SFXN4: variants seen among roughly 807,000 people sequenced by gnomAD.
SFXN4 encodes sideroflexin 4, also known as sideroflexin-4.
In SFXN4, 48 loss-of-function variants were observed where a neutral mutation model predicts 54.6. The observed-to-expected ratio is 0.88, with a 90% confidence interval of 0.70 to 1.12. SFXN4 has a LOEUF of 1.12. Among genes scored for constraint, SFXN4 ranks in the 50% most tolerant of loss-of-function variants. The probability of loss-of-function intolerance (pLI) is 0.00; values close to 1 mark genes in which losing one functional copy is unlikely to be tolerated. For missense variants in SFXN4, 383 were observed against 409.2 expected, an observed-to-expected ratio of 0.94 and a Z score of 0.55; for synonymous variants, 130 against 145.5, an observed-to-expected ratio of 0.89 and a Z score of 0.77.
intron 11 of SFXN4, among the ~76,000 whole-genome samples, chr10:119,151,592 T>C (rs531257932): frequency 3.3e-5 from 5 of 151,792 alleles, no homozygotes; most frequent in East Asian, 3.9e-4. Context: ...CTCAGCTCAC[T>C]GCAACCTCTG....
chr10:119,152,569 C>T (rs1001239714), intron 11 of SFXN4, among the ~76,000 whole-genome samples: 1 of 152,144 alleles, frequency 6.6e-6, no homozygotes, highest in Non-Finnish European at 1.5e-5. Context: ...TCATTTCAAA[C>T]TAGTGACCTA....
chr10:119,143,409 C>T (rs1271154191), intron 13 of SFXN4, among the ~76,000 whole-genome samples: 3 of 152,006 alleles, frequency 2.0e-5, no homozygotes, highest in African/African-American at 7.2e-5. Flanking sequence ...TCTGTGACCC[C>T]ATTGTAGCCT....
At chr10:119,142,124 C>T (rs2133559785) in intron 13 of SFXN4, among the ~76,000 whole-genome samples, 1 of 152,224 alleles carries the variant, frequency 6.6e-6, no homozygotes, top group East Asian at 1.9e-4. Context: ...TCACTTGAGC[C>T]TGGGAGTCAA....
At chr10:119,148,412 G>A (rs777507301) in intron 11 of SFXN4, among the ~76,000 whole-genome samples, 6 of 152,100 alleles carry the variant, frequency 3.9e-5, no homozygotes, top group Non-Finnish European at 8.8e-5. Flanking sequence ...CTAAGTACAA[G>A]CAAAGGTGGC....
Position 119,141,207 on chromosome 10 carries a change from A to G in SFXN4, c.*35T>C. The G allele has an allele frequency of 1.3e-6, 2 of 1,514,578 alleles. No individual in the cohort carries two copies. The highest frequency in any genetic ancestry group is 9.1e-7 in the Non-Finnish European group (1 of 1,097,430). 93.8% of individuals were successfully genotyped at this position (1,514,578 alleles called of 1,614,324 possible). On this transcript the variant is annotated 3_prime_UTR_variant, in exon 14 of 14. Transcript: ENST00000355697. ...GAACCTGGAGAGGGGAAGGTTTTCA[A>G]GCAGGAACCACATAAATTCACCTAA...
At chr10:119,149,502 C>T (rs978468162) in intron 11 of SFXN4, among the ~76,000 whole-genome samples, 2 of 152,178 alleles carry the variant, frequency 1.3e-5, no homozygotes, top group Non-Finnish European at 2.9e-5. Flanking sequence ...ATAATCCCAA[C>T]ACTTTGGGAG....
intron 11 of SFXN4, 75 bp downstream of exon 11, chr10:119,154,987 G>A: frequency 2.0e-6 from 2 of 982,226 alleles, no homozygotes; most frequent in Non-Finnish European, 3.2e-6. Flanking sequence ...ACATGAATTT[G>A]TCACCGGCTT....
intron 9 of SFXN4, 123 bp downstream of exon 9, chr10:119,157,545 T>C (rs1340738024): frequency 1.3e-6 from 1 of 789,440 alleles, no homozygotes; most frequent in East Asian, 2.7e-5. Context: ...TACAGGTGAC[T>C]TTTATTTCCT....
chr10:119,162,375 C>T lies in SFXN4; in HGVS notation c.217G>A (p.Glu73Lys), dbSNP rs745535625. ...GCCGAGGCAGGGCTGGAAACATCTT[C>T]ATTTGTGCACAATAGTTGCCTCGAG... ...ENSRQLLCTN[E>K]DVSSPASADQ... The change falls in exon 3 of 14, where the codon GAA becomes AAA. Residue 73 changes from glutamate (E) to lysine (K), a missense_variant. By Grantham distance (56) the Glu-to-Lys change is moderately conservative. Coordinates refer to ENST00000355697, the MANE Select transcript of SFXN4 (RefSeq NM_213649.2). 21 of 1,614,206 alleles carry T rather than the reference C, an allele frequency of 1.3e-5. No individual in the cohort carries two copies. Among genetic ancestry groups the T allele is most frequent in the Non-Finnish European group, 1.7e-5 (20 of 1,180,032 alleles).
At chr10:119,150,827 T>C (rs1023651988) in intron 11 of SFXN4, among the ~76,000 whole-genome samples, 8 of 152,202 alleles carry the variant, frequency 5.3e-5, no homozygotes, top group African/African-American at 1.4e-4. Flanking sequence ...TGCAAGTGAA[T>C]GTCGGAGCAG....
intron 11 of SFXN4, among the ~76,000 whole-genome samples, chr10:119,150,040 A>G (rs1846994574): frequency 6.6e-6 from 1 of 152,216 alleles, no homozygotes. Context: ...CTGGTTACGC[A>G]GTTTCTGAAA....
At chr10:119,145,623 C>T (rs1007522661) in intron 13 of SFXN4, among the ~76,000 whole-genome samples, 3 of 151,834 alleles carry the variant, frequency 2.0e-5, no homozygotes, top group African/African-American at 7.3e-5. Flanking sequence ...TAATAACGTT[C>T]TATTTTCTCT....
intron 12 of SFXN4, among the ~76,000 whole-genome samples, chr10:119,146,938 G>T (rs1354591375): frequency 6.6e-6 from 1 of 152,140 alleles, no homozygotes; most frequent in East Asian, 1.9e-4. Flanking sequence ...CACACTGGTG[G>T]GGGGGATGTG....
At chr10:119,158,121 T>G in intron 6 of SFXN4, 59 bp from the exon 7 acceptor site, 1 of 1,514,916 alleles carries the variant, frequency 6.6e-7, no homozygotes, top group South Asian at 1.1e-5. Flanking sequence ...GAACTTGCAG[T>G]AGCAAAGAAC....
chr10:119,143,090 G>A (rs1846622883), intron 13 of SFXN4, among the ~76,000 whole-genome samples: 1 of 151,812 alleles, frequency 6.6e-6, no homozygotes, highest in South Asian at 2.1e-4. Flanking sequence ...TCACGCGTGA[G>A]ACTGACTCCC....
intron 11 of SFXN4, among the ~76,000 whole-genome samples, chr10:119,153,981 C>G (rs1847176989): frequency 6.6e-6 from 1 of 151,998 alleles, no homozygotes; most frequent in African/African-American, 2.4e-5. Context: ...AGTTTGAGAC[C>G]AGCCTGGCCA....
rs12762732 is a variant in SFXN4 at position 119,161,378 on chromosome 10, T to A, written c.253-297A>T. On this transcript the variant is annotated intron_variant, in intron 3 of 13. Transcript: ENST00000355697. Reference sequence around the variant, plus strand: ...AAGTCATCCTCCCAAACCATTGGAATTACAGGGTTAAGCCATCACACCCAG... The same window carrying A: ...AAGTCATCCTCCCAAACCATTGGAAATACAGGGTTAAGCCATCACACCCAG... Among the ~76,000 whole-genome samples the A allele has an allele frequency of 0.31, 46,188 of 147,972 alleles. 8,181 individuals carry two copies. Among genetic ancestry groups the A allele is most frequent in the South Asian group, 0.39 (1,832 of 4,686 alleles).
intron 2 of SFXN4, among the ~76,000 whole-genome samples, chr10:119,162,620 C>A (rs1847600338): frequency 6.6e-6 from 1 of 152,246 alleles, no homozygotes; most frequent in Middle Eastern, 3.4e-3. Context: ...CCTAGATGCT[C>A]CAGCAGCTGC....
chr10:119,149,109 C>A (rs1056910895), intron 11 of SFXN4, among the ~76,000 whole-genome samples: 1 of 152,128 alleles, frequency 6.6e-6, no homozygotes, highest in Non-Finnish European at 1.5e-5. Context: ...CTGGTCCCGA[C>A]TTCCTGGCCT....
Sources: allele counts gnomAD v4.1 joint callset (sites outside exome capture counted in the v4.1 genomes callset), GRCh38; gene constraint gnomAD v4.1.1; transcripts MANE v1.5; gene names NCBI Gene and HGNC (gene_info 2026-07-23, HGNC 2026-07-21).